The following TMEM132D variants were observed in gnomAD, a reference collection of about 807,000 sequenced individuals.
TMEM132D encodes mature OL transmembrane protein.
Under a neutral mutation model 62.3 loss-of-function variants are expected in TMEM132D, and 21 were observed. The observed-to-expected ratio is 0.34, with a 90% confidence interval of 0.24 to 0.49. TMEM132D has a LOEUF of 0.49. Ranked by LOEUF, TMEM132D falls within the 20% of genes least tolerant of loss-of-function variation. The probability of loss-of-function intolerance (pLI) is 0.99; values close to 1 mark genes in which losing one functional copy is unlikely to be tolerated. For missense variants in TMEM132D, 1,346 were observed against 1,402.8 expected, an observed-to-expected ratio of 0.96 and a Z score of 0.65; for synonymous variants, 621 against 575.6, an observed-to-expected ratio of 1.08 and a Z score of -1.13.
intron 3 of TMEM132D, among the ~76,000 whole-genome samples, chr12:129,417,083 C>T (rs1176902066): frequency 6.6e-6 from 1 of 152,100 alleles, no homozygotes; most frequent in African/African-American, 2.4e-5. Flanking sequence ...AAGGAGGAGT[C>T]CCTCTTTTTC....
At chr12:129,299,811 T>C (rs547440701) in intron 4 of TMEM132D, among the ~76,000 whole-genome samples, 1 of 152,272 alleles carries the variant, frequency 6.6e-6, no homozygotes, top group Admixed American at 6.5e-5. Flanking sequence ...GAAGCTAATA[T>C]TTCTATGAAC....
rs78634905 is a variant in TMEM132D at position 129,449,134 on chromosome 12, T to C, written c.1115+81925A>G. 1.2e-3 allele frequency among the ~76,000 whole-genome samples: 188 copies of C among 152,308 alleles called. 1 individual carries two copies. Among genetic ancestry groups the C allele is most frequent in the African/African-American group, 4.4e-3 (181 of 41,568 alleles). On this transcript the variant is annotated intron_variant, in intron 3 of 8. Transcript: ENST00000422113. The stretch of plus-strand genomic sequence containing the variant: ...GTTCACAATGGGAATGGAGTATTGT[T>C]AAGAGGGAAGACCCTATGCATTGGC...
chr12:129,430,987 A>G (rs1451326463), intron 3 of TMEM132D, among the ~76,000 whole-genome samples: 1 of 152,200 alleles, frequency 6.6e-6, no homozygotes, highest in Non-Finnish European at 1.5e-5. Context: ...AATCTGCTCT[A>G]TGATTAAATA....
chr12:129,339,153 C>T (rs1039772754), intron 3 of TMEM132D, among the ~76,000 whole-genome samples: 1 of 152,038 alleles, frequency 6.6e-6, no homozygotes, highest in African/African-American at 2.4e-5. Flanking sequence ...TGCCTATAAT[C>T]CCAGCTAGTT....
intron 1 of TMEM132D, among the ~76,000 whole-genome samples, chr12:129,885,826 C>A (rs770118536): frequency 6.6e-6 from 1 of 152,176 alleles, no homozygotes. Flanking sequence ...TTGACACCCA[C>A]GACCATCCAC....
chr12:129,743,943 A>G (rs774031276), intron 1 of TMEM132D, among the ~76,000 whole-genome samples: 2 of 152,152 alleles, frequency 1.3e-5, no homozygotes, highest in Non-Finnish European at 1.5e-5. Context: ...GTGAGATGTC[A>G]GAGACAAAAA....
chr12:129,432,514 G>A (rs1218214788), intron 3 of TMEM132D, among the ~76,000 whole-genome samples: 1 of 152,240 alleles, frequency 6.6e-6, no homozygotes, highest in Non-Finnish European at 1.5e-5. Flanking sequence ...GTATAAGTAA[G>A]ACAACTTTTC....
intron 3 of TMEM132D, among the ~76,000 whole-genome samples, chr12:129,386,516 A>C (rs541266719): frequency 1.3e-5 from 2 of 152,212 alleles, no homozygotes; most frequent in East Asian, 1.9e-4. Flanking sequence ...CAGTATCACT[A>C]ATCATAATAC....
At chr12:129,761,646 C>G (rs533257705) in intron 1 of TMEM132D, among the ~76,000 whole-genome samples, 2 of 152,370 alleles carry the variant, frequency 1.3e-5, no homozygotes, top group Admixed American at 1.3e-4. Flanking sequence ...CAGCTCCCCT[C>G]CCTTCCACAA....
intron 3 of TMEM132D, among the ~76,000 whole-genome samples, chr12:129,369,954 G>A (rs1870542817): frequency 6.6e-6 from 1 of 152,198 alleles, no homozygotes; most frequent in Non-Finnish European, 1.5e-5. Context: ...GTCACACAGT[G>A]GGAGCACAGC....
At chr12:129,117,179 A>T (rs1487863795) in intron 5 of TMEM132D, among the ~76,000 whole-genome samples, 4 of 152,068 alleles carry the variant, frequency 2.6e-5, no homozygotes, top group African/African-American at 4.8e-5. Context: ...TCTGTATTCT[A>T]TATTAGATTC....
intron 2 of TMEM132D, among the ~76,000 whole-genome samples, chr12:129,639,797 C>T (rs1879595548): frequency 1.3e-5 from 2 of 152,148 alleles, no homozygotes; most frequent in African/African-American, 4.8e-5. Flanking sequence ...AAGTCTGGCT[C>T]GAACCTGCCT....
intron 4 of TMEM132D, among the ~76,000 whole-genome samples, chr12:129,279,880 T>A (rs1881095026): frequency 6.6e-6 from 1 of 152,214 alleles, no homozygotes; most frequent in Non-Finnish European, 1.5e-5. Flanking sequence ...CCATTGTATC[T>A]GAAGTTAAGT....
intron 5 of TMEM132D, among the ~76,000 whole-genome samples, chr12:129,209,258 G>A (rs1305841831): frequency 6.6e-6 from 1 of 152,182 alleles, no homozygotes; most frequent in Non-Finnish European, 1.5e-5. Context: ...TCTGGGAAGA[G>A]GCCAAGGGCA....
rs552163450 is a variant in TMEM132D at position 129,279,784 on chromosome 12, G to A, written c.1299+57850C>T. ...TAGAAAAATCAAGAACAGCACAAGC[G>A]TCCGATGGTGATCTCATGTTTTACG... On this transcript the variant is annotated intron_variant, in intron 4 of 8. Coordinates refer to ENST00000422113, the MANE Select transcript of TMEM132D (RefSeq NM_133448.3). Among the ~76,000 whole-genome samples, 20 of 152,256 alleles carry A rather than the reference G, an allele frequency of 1.3e-4. No homozygotes were observed. The South Asian group carries it at 2.9e-3, about 22-fold the overall frequency.
chr12:129,728,055 T>G (rs1040094828), intron 1 of TMEM132D, among the ~76,000 whole-genome samples: 1 of 152,308 alleles, frequency 6.6e-6, no homozygotes, highest in Admixed American at 6.5e-5. Context: ...TTGTATTGCA[T>G]GTTAAAAAAT....
intron 4 of TMEM132D, among the ~76,000 whole-genome samples, chr12:129,317,189 G>T (rs4759623): frequency 0.24 from 35,750 of 151,998 alleles, 4,479 homozygotes; most frequent in Non-Finnish European, 0.27. Context: ...GTGTACTTTG[G>T]TTTTTTGTTG....
Position 129,356,199 on chromosome 12 carries a change from C to A in TMEM132D, c.1116-18382G>T, listed in dbSNP as rs1383072267. 2.8e-4 allele frequency among the ~76,000 whole-genome samples: 20 copies of A among 71,382 alleles called. 8 individuals carry two copies. The highest frequency in any genetic ancestry group is 4.5e-4 in the Non-Finnish European group (16 of 35,582). 46.8% of individuals were successfully genotyped at this position (71,382 alleles called of 152,430 possible). ...TGAGACGGAGTCTCGCTCTGTCGCC[C>A]AGGCTGGAGTGCAGTGGCGGGATCT... On this transcript the variant is annotated intron_variant, in intron 3 of 8. Coordinates refer to ENST00000422113, the MANE Select transcript of TMEM132D (RefSeq NM_133448.3).
At chr12:129,222,363 C>T (rs1433434671) in intron 4 of TMEM132D, among the ~76,000 whole-genome samples, 1 of 152,162 alleles carries the variant, frequency 6.6e-6, no homozygotes. Flanking sequence ...CAATGAAATG[C>T]CATAGCACGT....
Sources: allele counts gnomAD v4.1 joint callset (sites outside exome capture counted in the v4.1 genomes callset), GRCh38; gene constraint gnomAD v4.1.1; transcripts MANE v1.5; gene names NCBI Gene and HGNC (gene_info 2026-07-23, HGNC 2026-07-21).